MED9: variants seen among roughly 807,000 people sequenced by gnomAD.
MED9 encodes the protein mediator complex subunit 9.
Under a neutral mutation model 13.2 loss-of-function variants are expected in MED9, and 8 were observed. That is an observed-to-expected ratio of 0.61 (90% CI 0.36 to 1.10). The LOEUF is 1.10. Ranked by LOEUF, MED9 falls within the 50% of genes least tolerant of loss-of-function variation. MED9 has a pLI of 0.02. For missense variants in MED9, 180 were observed against 193.4 expected, an observed-to-expected ratio of 0.93 and a Z score of 0.41; for synonymous variants, 87 against 82.8, an observed-to-expected ratio of 1.05 and a Z score of -0.28.
At chr17:17,487,711 G>C (rs911850945) in intron 1 of MED9, 6 of 171,328 alleles carry the variant, frequency 3.5e-5, no homozygotes, top group African/African-American at 1.4e-4. Context: ...ACCAATTCCG[G>C]ACACACAAGT....
At chr17:17,480,708 A>G (rs1905018391) in intron 1 of MED9, among the ~76,000 whole-genome samples, 1 of 152,214 alleles carries the variant, frequency 6.6e-6, no homozygotes, top group Admixed American at 6.5e-5. Context: ...AGAGAAAGAC[A>G]AGACAGAAGA....
Position 17,492,689 on chromosome 17 carries a change from G to A in MED9, c.*1194G>A, listed in dbSNP as rs1298446589. On this transcript the variant is annotated 3_prime_UTR_variant, in exon 2 of 2. Coordinates refer to ENST00000268711, the MANE Select transcript of MED9 (RefSeq NM_018019.3). ...AGGAGGTGCGAAGTCCTGGAGTATTGTTTGGGTCTCGGAATGGGCGCATAA... is the reference window on the plus strand; with the variant it reads ...AGGAGGTGCGAAGTCCTGGAGTATTATTTGGGTCTCGGAATGGGCGCATAA... 1 of 152,278 alleles carries A rather than the reference G, an allele frequency of 6.6e-6. No individual in the cohort carries two copies. The highest frequency in any genetic ancestry group is 1.9e-4 in the East Asian group (1 of 5,196). 9.4% of individuals were successfully genotyped at this position (152,278 alleles called of 1,614,324 possible). A position where few individuals can be genotyped will look rare whatever the true frequency, so the allele number is the denominator to read the frequency against.
intron 1 of MED9, 142 bp from the exon 2 acceptor site, chr17:17,491,137 C>T (rs1474508183): frequency 1.3e-6 from 1 of 766,242 alleles, no homozygotes; most frequent in East Asian, 2.7e-5. Context: ...TGGGGGTGGA[C>T]AGCCTAGTCA....
At position 17,483,283 on chromosome 17, in the gene MED9, A is replaced by G. The variant is rs183418180; in HGVS notation, c.224+6018A>G. ...TTTCTTTGTTCTCCATTCTTCTCAA[A>G]TTGAGCCCAAACTTAGGCCTTTACT... is the stretch of plus-strand genomic sequence containing the variant. On this transcript the variant is annotated intron_variant, in intron 1 of 1. Transcript: ENST00000268711. The surrounding 1 kb of genome is among the most constrained non-coding windows in gnomAD (Gnocchi z 4.2). Among the ~76,000 whole-genome samples, 320 of 152,334 alleles carry G rather than the reference A, an allele frequency of 2.1e-3. No homozygotes were observed. Among genetic ancestry groups the G allele is most frequent in the Non-Finnish European group, 3.8e-3 (260 of 68,026 alleles).
chr17:17,484,621 C>A (rs528908052), intron 1 of MED9, among the ~76,000 whole-genome samples: 1 of 152,392 alleles, frequency 6.6e-6, no homozygotes, highest in South Asian at 2.1e-4. Flanking sequence ...CGTTCACTTT[C>A]TTCTCCCTCA....
rs187398404 is a variant in MED9, at chr17:17,478,829, C to T, written c.224+1564C>T. On this transcript the variant is annotated intron_variant, in intron 1 of 1. Transcript: ENST00000268711. ...CCGAGATCATGCCATTGCACTCCAG[C>T]CTGGGCAACAAGAGCAAGACTCTGC... is the stretch of plus-strand genomic sequence containing the variant. Among the ~76,000 whole-genome samples, 8 of 151,788 alleles carry T rather than the reference C, an allele frequency of 5.3e-5. No homozygotes were observed. In the East Asian group the frequency reaches 1.5e-3, roughly 29 times the overall value.
rs368012966 is a variant in MED9 at position 17,480,745 on chromosome 17, G to C, written c.224+3480G>C. On this transcript the variant is annotated intron_variant, in intron 1 of 1. Transcript: ENST00000268711. The stretch of plus-strand genomic sequence containing the variant: ...CAGAAAAAGCCACGTGGAGGAAACA[G>C]TAGCCACAAAGGAATGGAGTGGTTC... 1.6e-4 allele frequency among the ~76,000 whole-genome samples: 24 copies of C among 152,320 alleles called. No individual in the cohort carries two copies. The South Asian group carries it at 4.6e-3, about 29-fold the overall frequency.
chr17:17,477,393 A>G, intron 1 of MED9, 128 bp downstream of exon 1: 1 of 1,044,718 alleles, frequency 9.6e-7, no homozygotes, highest in Non-Finnish European at 1.3e-6. Flanking sequence ...ACTCAGACCC[A>G]GAGCGGGAAG....
rs1429456113 is a variant in MED9 at position 17,483,006 on chromosome 17, C to A, written c.224+5741C>A. 6.6e-6 allele frequency among the ~76,000 whole-genome samples: 1 copy of A among 152,108 alleles called. No individual in the cohort carries two copies. The highest frequency in any genetic ancestry group is 1.9e-4 in the East Asian group (1 of 5,202). On this transcript the variant is annotated intron_variant, in intron 1 of 1. Coordinates refer to ENST00000268711, the MANE Select transcript of MED9 (RefSeq NM_018019.3). This position sits in a 1 kb window ranked among gnomAD's most constrained non-coding sequence, Gnocchi z 4.2. Reference sequence around the variant, plus strand: ...TATCTTTTAAGGTTAATTTTTCACCCTTCCTCTTTCTTGTCAGTATTTCCC... The same window carrying A: ...TATCTTTTAAGGTTAATTTTTCACCATTCCTCTTTCTTGTCAGTATTTCCC...
rs145935032 is a variant in MED9, at chr17:17,481,660, T to A, written c.224+4395T>A. 2.0e-3 allele frequency among the ~76,000 whole-genome samples: 305 copies of A among 152,314 alleles called. 1 individual carries two copies. The highest frequency in any genetic ancestry group is 7.1e-3 in the African/African-American group (296 of 41,556). On this transcript the variant is annotated intron_variant, in intron 1 of 1. Coordinates refer to ENST00000268711, the MANE Select transcript of MED9 (RefSeq NM_018019.3). ...ACCTCATTAAGGCAGCTGCAGAAAA[T>A]TGCATCTTGTGGATGCAGCATAACT...
chr17:17,490,296 C>T (rs754575737), intron 1 of MED9, among the ~76,000 whole-genome samples: 4 of 152,106 alleles, frequency 2.6e-5, no homozygotes, highest in South Asian at 4.1e-4. Context: ...ATTATCCGGG[C>T]GTGTTGGCAT....
intron 1 of MED9, among the ~76,000 whole-genome samples, chr17:17,489,765 C>T (rs557077623): frequency 1.3e-5 from 2 of 152,330 alleles, no homozygotes; most frequent in East Asian, 3.9e-4. Flanking sequence ...GGCATCATTT[C>T]CTGGCCTCTC....
At chr17:17,490,978 A>C (rs1331474498) in intron 1 of MED9, among the ~76,000 whole-genome samples, 1 of 152,152 alleles carries the variant, frequency 6.6e-6, no homozygotes, top group Non-Finnish European at 1.5e-5. Flanking sequence ...GGGGGTAGGG[A>C]GACACCTGTG....
intron 1 of MED9, chr17:17,487,899 GAACA>G (rs1195030111): frequency 6.6e-6 from 1 of 152,202 alleles, no homozygotes; most frequent in African/African-American, 2.4e-5. Flanking sequence ...ATTTCTGTCA[GAACA>G]AATAAGAAAA....
chr17:17,477,152 G>A lies in MED9; in HGVS notation c.111G>A (p.Pro37=), dbSNP rs1904936886. ...CGCTGCCGCCTCCTCAGCCGCCGCC[G>A]GTCCCTGCGCCTCAACCGCAGCAGT... ...TKPLPPPQPP[P]VPAPQPQQSP... Residue 37 remains proline, a synonymous_variant, in exon 1 of 2, where the codon CCG becomes CCA. Transcript: ENST00000268711. 7 of 1,608,980 alleles carry A rather than the reference G, an allele frequency of 4.4e-6. No individual in the cohort carries two copies. The highest frequency in any genetic ancestry group is 1.1e-5 in the South Asian group (1 of 90,634).
At chr17:17,481,844 A>G (rs929372228) in intron 1 of MED9, among the ~76,000 whole-genome samples, 7 of 152,216 alleles carry the variant, frequency 4.6e-5, no homozygotes, top group African/African-American at 1.7e-4. Context: ...AACATTTTTT[A>G]TAGTGATAGT....
chr17:17,484,510 C>T (rs1263171801), intron 1 of MED9, among the ~76,000 whole-genome samples: 1 of 152,248 alleles, frequency 6.6e-6, no homozygotes, highest in Non-Finnish European at 1.5e-5. Flanking sequence ...CCTTCCATGC[C>T]AGCTGAGACC....
chr17:17,481,548 T>C (rs1482400739), intron 1 of MED9, among the ~76,000 whole-genome samples: 18 of 152,214 alleles, frequency 1.2e-4, no homozygotes, highest in Admixed American at 1.1e-3. Context: ...ATTTCAAAAA[T>C]TTATACAAAT....
At chr17:17,485,268 T>C (rs1288541174) in intron 1 of MED9, 27 of 397,844 alleles carry the variant, frequency 6.8e-5, no homozygotes, top group Non-Finnish European at 5.8e-5. Flanking sequence ...TTTGTAAAAA[T>C]ACAAAAAAAA....
Sources: allele counts gnomAD v4.1 joint callset (sites outside exome capture counted in the v4.1 genomes callset), GRCh38; gene constraint gnomAD v4.1.1; non-coding constraint Gnocchi (gnomAD v3.1); transcripts MANE v1.5; gene names NCBI Gene and HGNC (gene_info 2026-07-23, HGNC 2026-07-21).